The following OXR1 variants were observed in gnomAD, a reference collection of about 807,000 sequenced individuals.
OXR1 encodes the protein oxidation resistance protein 1.
In OXR1, 41 loss-of-function variants were observed where a neutral mutation model predicts 104.6. That is an observed-to-expected ratio of 0.39 (90% confidence interval 0.31 to 0.51). The LOEUF (loss-of-function observed/expected upper bound fraction) is 0.51, where lower values mean the gene tolerates loss of function less well. Ranked by LOEUF, OXR1 falls within the 20% of genes least tolerant of loss-of-function variation. The pLI, the probability that OXR1 is intolerant of heterozygous loss-of-function variation, is 0.77. For missense variants in OXR1, 955 were observed against 1,031.9 expected, an observed-to-expected ratio of 0.93 and a Z score of 1.02; for synonymous variants, 348 against 348.4, an observed-to-expected ratio of 1.00 and a Z score of 0.01.
At chr8:106,484,008 G>T (rs1046517892) in intron 2 of OXR1, among the ~76,000 whole-genome samples, 1 of 151,928 alleles carries the variant, frequency 6.6e-6, no homozygotes, top group Non-Finnish European at 1.5e-5. Flanking sequence ...GATTCCCTTG[G>T]GTATGGTGAT....
intron 2 of OXR1, among the ~76,000 whole-genome samples, chr8:106,436,434 C>T (rs1002722924): frequency 1.3e-5 from 2 of 151,928 alleles, no homozygotes; most frequent in African/African-American, 2.4e-5. Context: ...CAAATAGCCA[C>T]CACTGTACTG....
At chr8:106,611,449 G>A (rs1360108688) in intron 3 of OXR1, among the ~76,000 whole-genome samples, 1 of 152,204 alleles carries the variant, frequency 6.6e-6, no homozygotes, top group Non-Finnish European at 1.5e-5. Context: ...AACTTTGTGA[G>A]TGAATGGAGA....
intron 6 of OXR1, among the ~76,000 whole-genome samples, chr8:106,685,913 G>GGT (rs142787342): frequency 0.13 from 20,072 of 151,982 alleles, 1,586 homozygotes; most frequent in Non-Finnish European, 0.18. Context: ...AGGAAAATGT[G>GGT]GTATATATAT....
At chr8:106,508,986 A>AT (rs1338690905) in intron 2 of OXR1, among the ~76,000 whole-genome samples, 95 of 152,342 alleles carry the variant, frequency 6.2e-4, no homozygotes, top group African/African-American at 2.3e-3. Flanking sequence ...GATAGTTTGT[A>AT]ATAGGCCTTG....
At chr8:106,435,121 C>T (rs1819516645) in intron 2 of OXR1, among the ~76,000 whole-genome samples, 1 of 152,030 alleles carries the variant, frequency 6.6e-6, no homozygotes, top group Non-Finnish European at 1.5e-5. Flanking sequence ...ACAGACTCTG[C>T]AGTACAAGGA....
At chr8:106,692,993 G>T in intron 7 of OXR1, 116 bp downstream of exon 7, 1 of 684,006 alleles carries the variant, frequency 1.5e-6, no homozygotes, top group Admixed American at 3.0e-5. Context: ...GAATATTATA[G>T]AAAGGTACTA....
At chr8:106,657,780 T>A in intron 3 of OXR1, 1 of 1,180,570 alleles carries the variant, frequency 8.5e-7, no homozygotes, top group Non-Finnish European at 1.1e-6. Flanking sequence ...TTTGTCCGTC[T>A]TTTGCTCCCC....
At chr8:106,294,392 T>A (rs1245754455) in intron 1 of OXR1, among the ~76,000 whole-genome samples, 1 of 40,892 alleles carries the variant, frequency 2.4e-5, no homozygotes, top group East Asian at 7.0e-4. Flanking sequence ...CAAGACTCTG[T>A]CTCAAAAAAA....
intron 2 of OXR1, among the ~76,000 whole-genome samples, chr8:106,438,024 T>G (rs1192635021): frequency 6.6e-6 from 1 of 152,156 alleles, no homozygotes; most frequent in Non-Finnish European, 1.5e-5. Context: ...GGCAGCATAT[T>G]TGATGTGTGA....
At chr8:106,273,121 C>CCTGGT (rs1428172870) in intron 1 of OXR1, among the ~76,000 whole-genome samples, 2 of 151,970 alleles carry the variant, frequency 1.3e-5, no homozygotes, top group Non-Finnish European at 2.9e-5. Flanking sequence ...TGGGCTGGTT[C>CCTGGT]CTGGTCCTTA....
chr8:106,603,272 T>C (rs1820109243), intron 3 of OXR1, among the ~76,000 whole-genome samples: 1 of 152,230 alleles, frequency 6.6e-6, no homozygotes, highest in South Asian at 2.1e-4. Context: ...CTCTGACATT[T>C]CTTGAGATTG....
rs190089796 is a variant in OXR1, at chr8:106,363,240, T to A, written c.23+3604T>A. Among the ~76,000 whole-genome samples, 8 of 152,340 alleles carry A rather than the reference T, an allele frequency of 5.3e-5. No homozygotes were observed. The East Asian group carries it at 7.7e-4, about 15-fold the overall frequency. ...GACTGCTCTTTTTGGAGCTCATTTA[T>A]AAGCCAGAAGACTGATAAGTGATCA... On this transcript the variant is annotated intron_variant, in intron 2 of 16. Coordinates refer to ENST00000517566, the MANE Select transcript of OXR1 (RefSeq NM_001198533.2).
rs1831694618 is a variant in OXR1, at chr8:106,711,562, A to G, written c.1793+772A>G. 3.3e-5 allele frequency among the ~76,000 whole-genome samples: 5 copies of G among 152,144 alleles called. No homozygotes were observed. In the South Asian group the frequency reaches 1.0e-3, roughly 31 times the overall value. The stretch of plus-strand genomic sequence containing the variant: ...GTGTGTGTATATTGAAATTGCATTT[A>G]TTTTAACATTTTCTGTGACTTTTGT... On this transcript the variant is annotated intron_variant, in intron 10 of 16. Transcript: ENST00000517566.
intron 3 of OXR1, among the ~76,000 whole-genome samples, chr8:106,569,267 A>G (rs1037817182): frequency 5.3e-5 from 8 of 151,992 alleles, no homozygotes; most frequent in Non-Finnish European, 1.2e-4. Flanking sequence ...TTTCTTCTCA[A>G]TGATTTTGTT....
At chr8:106,708,588 T>C (rs1488906289) in intron 9 of OXR1, among the ~76,000 whole-genome samples, 1 of 152,190 alleles carries the variant, frequency 6.6e-6, no homozygotes. Flanking sequence ...AGTTCATTTA[T>C]TCTGTAATAT....
chr8:106,697,906 G>A (rs1830217604), intron 7 of OXR1: 11 of 1,612,136 alleles, frequency 6.8e-6, no homozygotes, highest in African/African-American at 1.3e-5. Context: ...TCGGCACTGG[G>A]TGGTGATCCA....
At chr8:106,379,512 CT>C (rs1330897504) in intron 2 of OXR1, among the ~76,000 whole-genome samples, 2 of 131,484 alleles carry the variant, frequency 1.5e-5, no homozygotes, top group African/African-American at 2.8e-5. Flanking sequence ...AGCCTGTATT[CT>C]TTTTTTTACT....
intron 1 of OXR1, among the ~76,000 whole-genome samples, chr8:106,353,565 TTTA>T (rs1815828557): frequency 6.6e-6 from 1 of 152,054 alleles, no homozygotes; most frequent in South Asian, 2.1e-4. Context: ...TTGCTAACAT[TTTA>T]TTTTGTTCAT....
intron 2 of OXR1, among the ~76,000 whole-genome samples, chr8:106,372,399 C>G (rs1000675884): frequency 2.0e-5 from 3 of 150,930 alleles, no homozygotes; most frequent in Non-Finnish European, 4.4e-5. Flanking sequence ...AATTCACATG[C>G]TTATTATGTT....
Sources: allele counts gnomAD v4.1 joint callset (sites outside exome capture counted in the v4.1 genomes callset), GRCh38; gene constraint gnomAD v4.1.1; transcripts MANE v1.5; gene names NCBI Gene and HGNC (gene_info 2026-07-23, HGNC 2026-07-21).